Variants in LAMC1 observed in about 807,000 individuals in gnomAD.
LAMC1 encodes laminin subunit gamma 1.
A neutral mutation model predicts 173.6 loss-of-function variants in LAMC1; 38 were observed. The ratio of observed to expected loss-of-function variants is 0.22; its 90% confidence interval spans 0.17 to 0.29. The LOEUF is 0.29. Among genes scored for constraint, LAMC1 ranks in the 10% least tolerant of loss-of-function variants. The pLI, the probability that LAMC1 is intolerant of heterozygous loss-of-function variation, is 1.00. For missense variants in LAMC1, 1,824 were observed against 2,051.8 expected, an observed-to-expected ratio of 0.89 and a Z score of 2.14; for synonymous variants, 746 against 749.1, an observed-to-expected ratio of 1.00 and a Z score of 0.07.
At chr1:183,042,265 A>G (rs887011097) in intron 1 of LAMC1, among the ~76,000 whole-genome samples, 7 of 152,106 alleles carry the variant, frequency 4.6e-5, no homozygotes, top group Non-Finnish European at 7.4e-5. Context: ...AGGCTGGGTG[A>G]TAGGCCCCTG....
intron 2 of LAMC1, among the ~76,000 whole-genome samples, chr1:183,107,532 A>G (rs1231386291): frequency 1.3e-5 from 2 of 152,170 alleles, no homozygotes; most frequent in African/African-American, 4.8e-5. Flanking sequence ...AATAGATGCT[A>G]TAAAATGGGC....
intron 1 of LAMC1, among the ~76,000 whole-genome samples, chr1:183,091,516 C>T (rs1196959456): frequency 6.6e-6 from 1 of 152,134 alleles, no homozygotes; most frequent in Non-Finnish European, 1.5e-5. Flanking sequence ...CTTCCCCTCC[C>T]TCTCTAATTA....
At chr1:183,105,903 G>A (rs1655967164) in intron 2 of LAMC1, among the ~76,000 whole-genome samples, 1 of 152,162 alleles carries the variant, frequency 6.6e-6, no homozygotes, top group Non-Finnish European at 1.5e-5. Flanking sequence ...CATATTATAA[G>A]TATTACTAAG....
intron 21 of LAMC1, among the ~76,000 whole-genome samples, chr1:183,133,103 G>T (rs2102106468): frequency 6.6e-6 from 1 of 152,184 alleles, no homozygotes; most frequent in African/African-American, 2.4e-5. Context: ...TAGAGACGGG[G>T]TTTCACTATG....
At chr1:183,112,997 C>A (rs1040742545) in intron 4 of LAMC1, among the ~76,000 whole-genome samples, 4 of 152,092 alleles carry the variant, frequency 2.6e-5, no homozygotes, top group African/African-American at 9.7e-5. Context: ...TAGTGAAACC[C>A]TGTCTCTGCA....
chr1:183,139,509 A>G (rs930977182), intron 26 of LAMC1, among the ~76,000 whole-genome samples: 4 of 152,246 alleles, frequency 2.6e-5, no homozygotes, highest in African/African-American at 9.6e-5. Flanking sequence ...CAATAAGGAC[A>G]GCTGCCGTTT....
In LAMC1 at chr1:183,046,011, ATGTGT is replaced by A. The variant is rs536758969; in HGVS notation, c.418+21879_418+21883del. 1.3e-3 allele frequency among the ~76,000 whole-genome samples: 196 copies of A among 151,934 alleles called. 1 individual carries two copies. Among genetic ancestry groups the A allele is most frequent in the African/African-American group, 4.6e-3 (191 of 41,432 alleles). On this transcript the variant is annotated intron_variant, in intron 1 of 27. Coordinates refer to ENST00000258341, the MANE Select transcript of LAMC1 (RefSeq NM_002293.4). ...TCTTTATACTAATCCTTTGTCAGTT[ATGTGT>A]TTTCCTTATCTTCCAGTGTGTCCAG...
At chr1:183,104,934 C>T (rs1014500754) in intron 2 of LAMC1, among the ~76,000 whole-genome samples, 6 of 151,716 alleles carry the variant, frequency 4.0e-5, no homozygotes, top group Admixed American at 6.6e-5. Context: ...CAGGGCCAGG[C>T]GCAGTGGCTC....
intron 1 of LAMC1, among the ~76,000 whole-genome samples, chr1:183,077,989 A>C (rs1655164144): frequency 6.6e-6 from 1 of 151,324 alleles, no homozygotes; most frequent in Non-Finnish European, 1.5e-5. Context: ...TATCCCTTAA[A>C]AGTTGTGTTT....
intron 1 of LAMC1, among the ~76,000 whole-genome samples, chr1:183,067,502 T>G (rs1654905071): frequency 6.6e-6 from 1 of 152,048 alleles, no homozygotes; most frequent in Admixed American, 6.6e-5. Flanking sequence ...TGTTGTTGTT[T>G]TTGAGAGACG....
intron 1 of LAMC1, among the ~76,000 whole-genome samples, chr1:183,049,534 G>C (rs1033213632): frequency 1.3e-5 from 2 of 151,416 alleles, no homozygotes; most frequent in Non-Finnish European, 2.9e-5. Context: ...TGTGATCTCA[G>C]CTCACTGCAA....
At chr1:183,118,980 C>T (rs2102087188) in intron 11 of LAMC1, among the ~76,000 whole-genome samples, 1 of 152,020 alleles carries the variant, frequency 6.6e-6, no homozygotes, top group Admixed American at 6.5e-5. Flanking sequence ...CTCACTGCAA[C>T]CTCCGCCTCC....
intron 1 of LAMC1, among the ~76,000 whole-genome samples, chr1:183,093,902 ATCT>A (rs1021965204): frequency 6.6e-6 from 1 of 152,122 alleles, no homozygotes; most frequent in African/African-American, 2.4e-5. Flanking sequence ...CATCTAACTC[ATCT>A]TCTTGTTTCT....
intron 1 of LAMC1, among the ~76,000 whole-genome samples, chr1:183,077,328 A>G (rs1471716730): frequency 1.3e-5 from 2 of 152,082 alleles, no homozygotes; most frequent in Non-Finnish European, 2.9e-5. Context: ...AATGCTGGCT[A>G]TTTGCAGGAA....
rs187844023 is a variant in LAMC1, at chr1:183,055,483, A to C, written c.418+31349A>C. Among the ~76,000 whole-genome samples, 371 of 152,204 alleles carry C rather than the reference A, an allele frequency of 2.4e-3. 1 individual carries two copies. Among genetic ancestry groups the C allele is most frequent in the African/African-American group, 8.5e-3 (352 of 41,534 alleles). On this transcript the variant is annotated intron_variant, in intron 1 of 27. Transcript: ENST00000258341. ...ATATACCCTATTGTGTAAAAAAAAA[A>C]ACCTACTTTATAGGATTGATGTGAG...
chr1:183,067,928 T>C (rs1168472729), intron 1 of LAMC1, among the ~76,000 whole-genome samples: 4 of 152,202 alleles, frequency 2.6e-5, no homozygotes, highest in African/African-American at 9.6e-5. Context: ...GGTGCTTCTG[T>C]AATAAAATGA....
At chr1:183,117,182 G>T in intron 8 of LAMC1, 138 bp from the exon 9 acceptor site, 1 of 858,368 alleles carries the variant, frequency 1.2e-6, no homozygotes. Flanking sequence ...ACTGTTGTAG[G>T]ATCCATTTAT....
chr1:183,037,631 A>C (rs552140211), intron 1 of LAMC1, among the ~76,000 whole-genome samples: 12 of 152,198 alleles, frequency 7.9e-5, no homozygotes, highest in African/African-American at 2.9e-4. Flanking sequence ...GCAAATCTGT[A>C]AGTCTCTCTT....
intron 4 of LAMC1, among the ~76,000 whole-genome samples, chr1:183,112,659 T>C (rs1309002971): frequency 6.6e-6 from 1 of 152,166 alleles, no homozygotes; most frequent in Non-Finnish European, 1.5e-5. Context: ...AGTGGTGTTA[T>C]TCTGCTTTAC....
Sources: gnomAD v4.1 joint callset for allele counts (sites outside exome capture counted in the v4.1 genomes callset) on GRCh38, gnomAD v4.1.1 for gene constraint, MANE v1.5 for transcripts, NCBI Gene and HGNC (gene_info 2026-07-23, HGNC 2026-07-21) for gene names.